Variants in NTAN1 observed in about 807,000 individuals in gnomAD.
The protein encoded by NTAN1 is protein N-terminal asparagine amidohydrolase.
Under a neutral mutation model 41.9 loss-of-function variants are expected in NTAN1, and 32 were observed. The observed-to-expected ratio is 0.76, with a 90% CI of 0.58 to 1.03. The LOEUF (loss-of-function observed/expected upper bound fraction) is 1.03. NTAN1 is among the 50% of genes least tolerant of loss of function. The pLI is 0.00. For missense variants in NTAN1, 377 were observed against 377.5 expected, an observed-to-expected ratio of 1.00 and a Z score of 0.01; for synonymous variants, 140 against 139.5, an observed-to-expected ratio of 1.00 and a Z score of -0.03.
chr16:15,054,064 C>T (rs2044402341), intron 1 of NTAN1, among the ~76,000 whole-genome samples: 1 of 152,222 alleles, frequency 6.6e-6, no homozygotes, highest in South Asian at 2.1e-4. Context: ...GCTTCCCCTC[C>T]TCACCCGGGC....
chr16:15,039,910 C>A, intron 8 of NTAN1, 59 bp downstream of exon 8: 1 of 953,786 alleles, frequency 1.0e-6, no homozygotes, highest in East Asian at 2.4e-5. Context: ...AAACTTAAGG[C>A]CTTGACATTT....
chr16:15,049,531 C>T (rs528695517), intron 1 of NTAN1, among the ~76,000 whole-genome samples: 21 of 151,904 alleles, frequency 1.4e-4, no homozygotes, highest in African/African-American at 4.1e-4. Context: ...CAGGTTCAAG[C>T]GATTCTCGTG....
chr16:15,047,656 G>C, intron 3 of NTAN1, 106 bp from the exon 4 acceptor site: 1 of 978,124 alleles, frequency 1.0e-6, no homozygotes, highest in East Asian at 2.4e-5. Context: ...TGAATATCCT[G>C]TAGGGGAAAA....
At position 15,038,087 on chromosome 16, in the gene NTAN1, G is replaced by A; in HGVS notation, c.877C>T (p.Leu293Phe). ...AAGCCATCTTCATTTTTTTTGTAGAGTAGGGCTTTATTTCCAGAAAACAGT... is the reference window on the plus strand; with the variant it reads ...AAGCCATCTTCATTTTTTTTGTAGAATAGGGCTTTATTTCCAGAAAACAGT... ...HTLFSGNKAL[L>F]YKKNEDGLWE... Residue 293 changes from leucine to phenylalanine, a missense_variant, in exon 10 of 10, where the codon CTC (leucine) becomes TTC (phenylalanine). By Grantham distance (22) the Leu-to-Phe change is conservative. Coordinates refer to ENST00000287706, the MANE Select transcript of NTAN1 (RefSeq NM_173474.4). 6.2e-7 allele frequency: 1 copy of A among 1,612,798 alleles called. No homozygotes were observed. Among genetic ancestry groups the A allele is most frequent in the Non-Finnish European group, 8.5e-7 (1 of 1,179,066 alleles).
At chr16:15,048,230 G>A (rs1567767647) in intron 1 of NTAN1, 131 bp from the exon 2 acceptor site, 1 of 632,302 alleles carries the variant, frequency 1.6e-6, no homozygotes, top group East Asian at 2.7e-5. Context: ...TTAGTGGACA[G>A]AGAGGCTCAA....
intron 4 of NTAN1, 43 bp from the exon 5 acceptor site, chr16:15,044,450 C>G: frequency 4.0e-6 from 5 of 1,257,210 alleles, no homozygotes; most frequent in Non-Finnish European, 5.8e-6. Context: ...AAGAAGACAC[C>G]GGTGCGTGCG....
Position 15,045,466 on chromosome 16 carries a change from C to CAA in NTAN1, c.360-1061_360-1060dup, listed in dbSNP as rs1157158611. ...TGGGTGACAGAGCCAGACTCTGTCT[C>CAA]AAAAAAAAAAAAAAAAGGTTTGAGG... On this transcript the variant is annotated intron_variant, in intron 4 of 9. Transcript: ENST00000287706. The CAA allele has an allele frequency of 5.5e-3, 393 of 71,528 alleles. 1 individual carries two copies. Among genetic ancestry groups the CAA allele is most frequent in the Middle Eastern group, 0.023 (2 of 86 alleles). 4.4% of individuals were successfully genotyped at this position (71,528 alleles called of 1,614,324 possible). A position where few individuals can be genotyped will look rare whatever the true frequency, so the allele number is the denominator to read the frequency against.
At chr16:15,050,468 C>G (rs1737019852) in intron 1 of NTAN1, among the ~76,000 whole-genome samples, 1 of 152,092 alleles carries the variant, frequency 6.6e-6, no homozygotes, top group African/African-American at 2.4e-5. Context: ...TGTGATGGCT[C>G]CCAACTGTAA....
At chr16:15,052,811 C>T (rs1328416895) in intron 1 of NTAN1, among the ~76,000 whole-genome samples, 1 of 151,686 alleles carries the variant, frequency 6.6e-6, no homozygotes, top group Non-Finnish European at 1.5e-5. Flanking sequence ...GGTGACAGAG[C>T]AAGGCTCTGT....
At chr16:15,053,949 C>G (rs138374998) in intron 1 of NTAN1, among the ~76,000 whole-genome samples, 1 of 152,188 alleles carries the variant, frequency 6.6e-6, no homozygotes, top group African/African-American at 2.4e-5. Flanking sequence ...ACAAAAAACC[C>G]AACCTTTAAT....
chr16:15,040,871 G>A (rs2043785320), intron 7 of NTAN1, among the ~76,000 whole-genome samples, 197 bp downstream of exon 7: 1 of 152,138 alleles, frequency 6.6e-6, no homozygotes, highest in African/African-American at 2.4e-5. Context: ...AGAAGTGAAT[G>A]TTATCTCAGT....
intron 6 of NTAN1, 132 bp downstream of exon 6, chr16:15,041,491 C>A: frequency 1.3e-6 from 1 of 758,934 alleles, no homozygotes; most frequent in South Asian, 1.4e-5. Flanking sequence ...CATCCCACCA[C>A]AGGAAGAGCC....
At chr16:15,046,664 G>A (rs545556141) in intron 4 of NTAN1, among the ~76,000 whole-genome samples, 3 of 142,132 alleles carry the variant, frequency 2.1e-5, no homozygotes, top group South Asian at 2.2e-4. Flanking sequence ...GTTTAAGACC[G>A]GCCTGGGCAA....
chr16:15,052,189 A>T (rs2044319541), intron 1 of NTAN1, among the ~76,000 whole-genome samples: 1 of 152,208 alleles, frequency 6.6e-6, no homozygotes, highest in Admixed American at 6.5e-5. Context: ...TGTTATTATG[A>T]AGTGAAAGCA....
chr16:15,039,275 G>A (rs772629890), intron 8 of NTAN1, among the ~76,000 whole-genome samples: 1 of 152,138 alleles, frequency 6.6e-6, no homozygotes, highest in Non-Finnish European at 1.5e-5. Context: ...CACTCCTTGA[G>A]AAGTCCTAAA....
chr16:15,044,411 G>T lies in NTAN1; in HGVS notation c.360-4C>A. On this transcript the variant is annotated splice_polypyrimidine_tract_variant and splice_region_variant and intron_variant, in intron 4 of 9. Coordinates refer to ENST00000287706, the MANE Select transcript of NTAN1 (RefSeq NM_173474.4). ...TCCAACAAGGTGTACTTCCAGCCTG[G>T]CAAAGAGATGAGACGGGTCAGAGGC... The T allele has an allele frequency of 6.2e-7, 1 of 1,609,424 alleles. No homozygotes were observed.
intron 4 of NTAN1, 142 bp from the exon 5 acceptor site, chr16:15,044,549 A>T (rs938294641): frequency 3.0e-6 from 2 of 659,734 alleles, no homozygotes; most frequent in Admixed American, 2.4e-5. Context: ...ACCGCAAAAG[A>T]AAGTATCGGC....
At chr16:15,053,357 T>C (rs973414967) in intron 1 of NTAN1, among the ~76,000 whole-genome samples, 2 of 152,204 alleles carry the variant, frequency 1.3e-5, no homozygotes, top group South Asian at 2.1e-4. Flanking sequence ...GTATGACTTA[T>C]TGTTATTATT....
intron 1 of NTAN1, among the ~76,000 whole-genome samples, chr16:15,050,426 C>T (rs1481389801): frequency 1.3e-5 from 2 of 152,078 alleles, no homozygotes; most frequent in Admixed American, 1.3e-4. Context: ...TTTAGGTTAG[C>T]GCTCACTTAA....
Sources: gnomAD v4.1 joint callset for allele counts (sites outside exome capture counted in the v4.1 genomes callset) on GRCh38, gnomAD v4.1.1 for gene constraint, MANE v1.5 for transcripts, NCBI Gene and HGNC (gene_info 2026-07-23, HGNC 2026-07-21) for gene names.